Variants in LRBA observed in about 807,000 individuals in gnomAD.
The protein encoded by LRBA is lipopolysaccharide-responsive and beige-like anchor protein.
In LRBA, 176 loss-of-function variants were observed where a neutral mutation model predicts 330.0. The observed-to-expected ratio is 0.53, with a 90% CI of 0.47 to 0.60. LRBA has a LOEUF of 0.60. Ranked by LOEUF, LRBA falls within the 20% of genes least tolerant of loss-of-function variation. LRBA has a pLI of 0.00. For synonymous variants in LRBA, 1,230 were observed against 1,193.0 expected (o/e 1.03, Z -0.64); for missense variants, 3,259 against 3,444.8 (o/e 0.95, Z 1.35).
At chr4:150,809,278 C>T (rs1023990192) in intron 31 of LRBA, among the ~76,000 whole-genome samples, 5 of 152,128 alleles carry the variant, frequency 3.3e-5, no homozygotes, top group Non-Finnish European at 7.4e-5. Flanking sequence ...TAAGAGGACA[C>T]GGAAGCAGCA....
intron 36 of LRBA, among the ~76,000 whole-genome samples, chr4:150,731,633 C>T (rs1227249252): frequency 6.6e-6 from 1 of 152,076 alleles, no homozygotes; most frequent in Non-Finnish European, 1.5e-5. Context: ...AACAATTGAA[C>T]TCTGAGTTCA....
At chr4:150,751,198 AAT>A (rs1334959003) in intron 35 of LRBA, among the ~76,000 whole-genome samples, 1 of 152,136 alleles carries the variant, frequency 6.6e-6, no homozygotes, top group Non-Finnish European at 1.5e-5. Context: ...TATTTAAAAG[AAT>A]ATTATAAAAA....
At chr4:150,317,895 T>TA (rs1731930549) in intron 50 of LRBA, among the ~76,000 whole-genome samples, 2 of 152,200 alleles carry the variant, frequency 1.3e-5, no homozygotes, top group South Asian at 2.1e-4. Flanking sequence ...TTTTGACCTA[T>TA]AAAAAAACGC....
chr4:150,448,819 A>T (rs1752958474), intron 44 of LRBA, among the ~76,000 whole-genome samples: 2 of 67,296 alleles, frequency 3.0e-5, no homozygotes, highest in Admixed American at 3.1e-4. Context: ...AAAAAAAAAA[A>T]AAAGGGGGGG....
intron 47 of LRBA, among the ~76,000 whole-genome samples, chr4:150,391,801 T>G (rs116178410): frequency 1.3e-5 from 2 of 152,080 alleles, no homozygotes; most frequent in Non-Finnish European, 2.9e-5. Context: ...CTTCTAAATA[T>G]TTTTCTTCCT....
chr4:150,710,033 T>C (rs1786022763), intron 36 of LRBA, among the ~76,000 whole-genome samples: 1 of 152,044 alleles, frequency 6.6e-6, no homozygotes. Flanking sequence ...CAACATATAC[T>C]AAATTTCAGA....
chr4:150,803,083 T>TATACACACACAC (rs748531851), intron 33 of LRBA, among the ~76,000 whole-genome samples: 132 of 128,484 alleles, frequency 1.0e-3, no homozygotes, highest in Admixed American at 4.1e-4. Context: ...AAAATATATA[T>TATACACACACAC]ACACACACAC....
intron 34 of LRBA, among the ~76,000 whole-genome samples, chr4:150,797,484 C>G (rs928841798): frequency 5.3e-5 from 8 of 151,740 alleles, no homozygotes; most frequent in Admixed American, 3.9e-4. Flanking sequence ...TCACAGGATA[C>G]ATGATTTTTA....
intron 35 of LRBA, among the ~76,000 whole-genome samples, chr4:150,753,135 A>G (rs1733780558): frequency 6.6e-6 from 1 of 152,196 alleles, no homozygotes; most frequent in African/African-American, 2.4e-5. Flanking sequence ...ACTCTTATTT[A>G]ACACTGCAAT....
At chr4:150,667,716 G>A (rs1398705433) in intron 37 of LRBA, among the ~76,000 whole-genome samples, 2 of 152,144 alleles carry the variant, frequency 1.3e-5, no homozygotes, top group African/African-American at 4.8e-5. Context: ...CTTCCACCAT[G>A]TTAGGATACA....
chr4:150,445,201 A>G (rs1288398915), intron 44 of LRBA, among the ~76,000 whole-genome samples: 1 of 151,992 alleles, frequency 6.6e-6, no homozygotes, highest in Non-Finnish European at 1.5e-5. Flanking sequence ...AGTGGCATAC[A>G]TGTCAACATT....
chr4:150,903,213 T>G (rs1385573941), intron 13 of LRBA, among the ~76,000 whole-genome samples: 1 of 151,850 alleles, frequency 6.6e-6, no homozygotes, highest in Non-Finnish European at 1.5e-5. Context: ...AAGACCCTAG[T>G]CTCTACAAAA....
chr4:150,423,394 C>T, intron 46 of LRBA: 1 of 640,866 alleles, frequency 1.6e-6, no homozygotes, highest in Admixed American at 2.4e-5. Context: ...TTTGAGTCCA[C>T]AGTCCCTTCC....
At chr4:150,299,014 T>G (rs1372952058) in intron 53 of LRBA, among the ~76,000 whole-genome samples, 2 of 152,114 alleles carry the variant, frequency 1.3e-5, no homozygotes, top group African/African-American at 2.4e-5. Flanking sequence ...TTCATCTTGC[T>G]TATCTAAATA....
chr4:150,739,762 A>T (rs1287796695), intron 35 of LRBA, among the ~76,000 whole-genome samples: 1 of 152,228 alleles, frequency 6.6e-6, no homozygotes, highest in Non-Finnish European at 1.5e-5. Flanking sequence ...GGAGCTGAGT[A>T]GAGCCCCAGA....
chr4:150,622,822 T>A lies in LRBA; in HGVS notation c.5922-23691A>T, dbSNP rs183539037. Among the ~76,000 whole-genome samples, 625 of 151,208 alleles carry A rather than the reference T, an allele frequency of 4.1e-3. 5 individuals are homozygous for A. Among genetic ancestry groups the A allele is most frequent in the African/African-American group, 0.015 (604 of 41,066 alleles). ...AGGCCATTCTCCTGCCTCAGCCTCC[T>A]GAGTAGCTGGGACTACAGGCGCCCG... On this transcript the variant is annotated intron_variant, in intron 37 of 56. Transcript: ENST00000651943.
Position 150,867,774 on chromosome 4 carries a change from T to C in LRBA, c.2663A>G (p.Glu888Gly). 6.2e-7 allele frequency: 1 copy of C among 1,613,860 alleles called. No individual in the cohort carries two copies. Among genetic ancestry groups the C allele is most frequent in the Non-Finnish European group, 8.5e-7 (1 of 1,179,764 alleles). ...PKNSDEQKIT[E>G]MVYAIFRILL... ...GATTCTGAATATGGCGTATACCATT[T>C]CTGTTATCTTTTGCTCATCTGAATT... Residue 888 changes from glutamate (E) to glycine (G), a missense_variant, in exon 22 of 57, where the codon GAA becomes GGA. Physicochemically the swap from Glu to Gly is moderately conservative, Grantham distance 98. Transcript: ENST00000651943.
intron 55 of LRBA, among the ~76,000 whole-genome samples, chr4:150,278,805 T>G (rs1207387072): frequency 6.6e-6 from 1 of 151,406 alleles, no homozygotes; most frequent in Non-Finnish European, 1.5e-5. Context: ...AATTCCAAAT[T>G]TGAATCCCCA....
At chr4:150,633,904 C>G (rs892799738) in intron 37 of LRBA, among the ~76,000 whole-genome samples, 4 of 152,192 alleles carry the variant, frequency 2.6e-5, no homozygotes, top group Non-Finnish European at 4.4e-5. Flanking sequence ...CACCTGAGGT[C>G]AGGAGTTCGA....
Sources: allele counts gnomAD v4.1 joint callset (sites outside exome capture counted in the v4.1 genomes callset), GRCh38; gene constraint gnomAD v4.1.1; transcripts MANE v1.5; gene names NCBI Gene and HGNC (gene_info 2026-07-23, HGNC 2026-07-21).